Variants in TLE3 observed in about 807,000 individuals in gnomAD.
The protein encoded by TLE3 is TLE family member 3, transcriptional corepressor, also known as transducin-like enhancer protein 3.
A neutral mutation model predicts 93.0 loss-of-function variants in TLE3; 14 were observed. That is an observed-to-expected ratio of 0.15 (90% CI 0.10 to 0.24). TLE3 has a LOEUF of 0.24. Ranked by LOEUF, TLE3 falls within the 10% of genes least tolerant of loss-of-function variation. The pLI is 1.00. For missense variants in TLE3, 693 were observed against 1,046.6 expected (o/e 0.66, Z 4.66); for synonymous variants, 451 against 425.0 (o/e 1.06, Z -0.75).
Position 70,053,301 on chromosome 15 carries a change from C to A in TLE3, c.1900G>T (p.Gly634Cys). 6.2e-7 allele frequency: 1 copy of A among 1,608,446 alleles called. No homozygotes were observed. The highest frequency in any genetic ancestry group is 8.5e-7 in the Non-Finnish European group (1 of 1,177,400). Residue 634 changes from glycine to cysteine, a missense_variant, in exon 17 of 20, where the codon GGC (glycine) becomes TGC (cysteine). Gly to Cys is a radical substitution (Grantham distance 159). Transcript: ENST00000451782. ...SHDGTKLWTG[G>C]LDNTVRSWDL... The stretch of plus-strand genomic sequence containing the variant: ...CAGGAGCGCACCGTGTTGTCCAGGC[C>A]CCCTGTCCACAGTTTGGTGCCATCA...
chr15:70,095,626 G>A lies in TLE3; in HGVS notation c.141C>T (p.Tyr47=), dbSNP rs904323691. The change falls in exon 3 of 20, where the codon TAC becomes TAT. Residue 47 remains tyrosine (Y), a synonymous_variant. Coordinates refer to ENST00000451782, the MANE Select transcript of TLE3 (RefSeq NM_001105192.3). The part of the protein sequence containing the change: ...QAQYHSLKVE[Y]DKLANEKTEM... ...CCGTCTTCTCGTTTGCCAGCTTGTC[G>A]TACTCCACTTTGAGGCTGCGAGGGC... 1.3e-6 allele frequency: 2 copies of A among 1,551,540 alleles called. No individual in the cohort carries two copies. Among genetic ancestry groups the A allele is most frequent in the East Asian group, 2.4e-5 (1 of 40,870 alleles).
At chr15:70,078,778 G>C (rs1316407798) in intron 4 of TLE3, among the ~76,000 whole-genome samples, 3 of 152,220 alleles carry the variant, frequency 2.0e-5, no homozygotes, top group Admixed American at 6.5e-5. Context: ...GGAAGGCAGG[G>C]GCAAGGTCAG....
rs1341932060 is a variant in TLE3, at chr15:70,097,778, C to G, written c.-980G>C. 1 of 392,298 alleles carries G rather than the reference C, an allele frequency of 2.5e-6. No individual in the cohort carries two copies. Among genetic ancestry groups the G allele is most frequent in the African/African-American group, 2.1e-5 (1 of 48,048 alleles). The allele number at this position is 392,298 out of a possible 1,614,324, so 24.3% of individuals were successfully genotyped here. A position where few individuals can be genotyped will look rare whatever the true frequency, so the allele number is the denominator to read the frequency against. On this transcript the variant is annotated 5_prime_UTR_variant, in exon 1 of 20. Coordinates refer to ENST00000451782, the MANE Select transcript of TLE3 (RefSeq NM_001105192.3). Reference sequence around the variant, plus strand: ...GGCAAACCCCCAAAACACACACACCCAACACACACACACGCGCGCACGCAC... The same window carrying G: ...GGCAAACCCCCAAAACACACACACCGAACACACACACACGCGCGCACGCAC...
intron 5 of TLE3, among the ~76,000 whole-genome samples, chr15:70,075,097 C>T (rs1213747301): frequency 3.3e-5 from 5 of 152,162 alleles, no homozygotes; most frequent in South Asian, 2.1e-4. Flanking sequence ...CTACATATAC[C>T]TTATCCATAC....
Position 70,059,443 on chromosome 15 carries a change from C to T in TLE3, c.732G>A (p.Lys244=). The change falls in exon 10 of 20, where the codon AAG becomes AAA. Residue 244 remains lysine, a synonymous_variant. Transcript: ENST00000451782. ...AAACATCCACCACCAGATCATCACT[C>T]TTGTCTCCATCACTGTCCTGCAACC... ...SLSRYDSDGD[K]SDDLVVDVSN... 1 of 1,611,228 alleles carries T rather than the reference C, an allele frequency of 6.2e-7. No homozygotes were observed. The highest frequency in any genetic ancestry group is 1.3e-5 in the African/African-American group (1 of 75,010).
intron 6 of TLE3, chr15:70,066,874 TG>T: frequency 5.9e-6 from 2 of 339,858 alleles, no homozygotes; most frequent in Non-Finnish European, 1.2e-5. Context: ...ATCCCAGCTC[TG>T]GCACTTCCTA....
At position 70,066,234 on chromosome 15, in the gene TLE3, TG is replaced by T; in HGVS notation, c.373-17del. 6.6e-7 allele frequency: 1 copy of T among 1,513,848 alleles called. No individual in the cohort carries two copies. The highest frequency in any genetic ancestry group is 1.3e-5 in the South Asian group (1 of 75,468). 93.8% of individuals were successfully genotyped at this position (1,513,848 alleles called of 1,614,324 possible). ...GCTGCTGCTGCTGCAATGAAGTCGG[TG>T]GTGAGTACAGCTGAGTTGGGGAGGG... On this transcript the variant is annotated splice_polypyrimidine_tract_variant and intron_variant, in intron 6 of 19. Coordinates refer to ENST00000451782, the MANE Select transcript of TLE3 (RefSeq NM_001105192.3).
intron 8 of TLE3, among the ~76,000 whole-genome samples, chr15:70,063,773 A>T (rs1018330317): frequency 1.3e-5 from 2 of 152,248 alleles, no homozygotes; most frequent in Non-Finnish European, 2.9e-5. Context: ...GTGATCAGAA[A>T]GATTTACAAC....
chr15:70,067,676 G>C (rs1455290401), intron 6 of TLE3, among the ~76,000 whole-genome samples: 1 of 152,216 alleles, frequency 6.6e-6, no homozygotes, highest in African/African-American at 2.4e-5. Flanking sequence ...CCATGGCTCT[G>C]GCAGGAGGAG....
intron 16 of TLE3, 88 bp from the exon 17 acceptor site, chr15:70,053,462 A>G (rs1595861071): frequency 6.9e-7 from 1 of 1,454,952 alleles, no homozygotes. Context: ...TGAGCAGAAG[A>G]GAAAACTGAG....
rs75719888 is a variant in TLE3 at position 70,065,795 on chromosome 15, A to G, written c.577+219T>C. On this transcript the variant is annotated intron_variant, in intron 7 of 19. Transcript: ENST00000451782. The stretch of plus-strand genomic sequence containing the variant: ...CTCCAGATGAACAGACAGGGTCTTC[A>G]GGACAGAGAATACCAGGTCCACACC... Among the ~76,000 whole-genome samples, 718 of 152,342 alleles carry G rather than the reference A, an allele frequency of 4.7e-3. 10 individuals are homozygous for G. The highest frequency in any genetic ancestry group is 0.016 in the African/African-American group (682 of 41,574).
At chr15:70,076,259 C>CGTGGAGAGGGGCTG in intron 4 of TLE3, 101 bp from the exon 5 acceptor site, 2 of 1,084,438 alleles carry the variant, frequency 1.8e-6, no homozygotes, top group Non-Finnish European at 2.8e-6. Context: ...ACCACAGCCC[C>CGTGGAGAGGGGCTG]TCTCCACGGG....
intron 14 of TLE3, chr15:70,055,897 CA>C: frequency 3.0e-6 from 1 of 331,040 alleles, no homozygotes; most frequent in Non-Finnish European, 5.8e-6. Context: ...GTGTGCCCTC[CA>C]GGGGAGGGAA....
intron 7 of TLE3, among the ~76,000 whole-genome samples, chr15:70,064,931 A>G (rs2056723051): frequency 6.6e-6 from 1 of 151,442 alleles, no homozygotes; most frequent in Non-Finnish European, 1.5e-5. Flanking sequence ...AAAGGAATTT[A>G]ACAGTGGTTT....
rs559680598 is a variant in TLE3 at position 70,056,095 on chromosome 15, G to T, written c.1328+203C>A. The T allele has an allele frequency of 3.3e-4, 210 of 638,664 alleles. 2 individuals carry two copies. The East Asian group carries it at 4.1e-3, about 12-fold the overall frequency. The allele number at this position is 638,664 out of a possible 1,614,324, so 39.6% of individuals were successfully genotyped here. On this transcript the variant is annotated intron_variant, in intron 14 of 19. Transcript: ENST00000451782. ...TCCTCTGTCGGAGGGAGCTTCTGTG[G>T]GTGCTCAGAAGTGTGGCTTGGCTAC...
At chr15:70,053,039 C>T (rs955974114) in intron 17 of TLE3, 188 bp downstream of exon 17, 34 of 687,138 alleles carry the variant, frequency 4.9e-5, no homozygotes, top group Non-Finnish European at 7.5e-5. Context: ...GTGTCCAACC[C>T]CAAGGTCATC....
intron 17 of TLE3, 155 bp from the exon 18 acceptor site, chr15:70,052,679 C>CA: frequency 1.4e-6 from 1 of 701,890 alleles, no homozygotes. Context: ...TTTCCATCCC[C>CA]ATTTTATAGG....
chr15:70,096,481 TCCCCA>T lies in TLE3; in HGVS notation c.25-225_25-221del, dbSNP rs372703542. On this transcript the variant is annotated intron_variant, in intron 1 of 19. Coordinates refer to ENST00000451782, the MANE Select transcript of TLE3 (RefSeq NM_001105192.3). ...ATGCCTTTCACCAAGGGCCTCCCTC[TCCCCA>T]GTAAGGCGGGGGCGGGAGACAAGCC... is the stretch of plus-strand genomic sequence containing the variant. 6 of 1,143,548 alleles carry T rather than the reference TCCCCA, an allele frequency of 5.2e-6. No homozygotes were observed. In the African/African-American group the frequency reaches 9.3e-5, roughly 18 times the overall value. 70.8% of individuals were successfully genotyped at this position (1,143,548 alleles called of 1,614,324 possible).
intron 4 of TLE3, among the ~76,000 whole-genome samples, chr15:70,088,961 C>G (rs11637005): frequency 0.078 from 11,930 of 152,044 alleles, 612 homozygotes; most frequent in Admixed American, 0.14. Flanking sequence ...AGGGAGCCAC[C>G]GGGTGGGGAG....
Sources: gnomAD v4.1 joint callset for allele counts (sites outside exome capture counted in the v4.1 genomes callset) on GRCh38, gnomAD v4.1.1 for gene constraint, MANE v1.5 for transcripts, NCBI Gene and HGNC (gene_info 2026-07-23, HGNC 2026-07-21) for gene names.